ACSS3: variants seen among roughly 807,000 people sequenced by gnomAD.
The protein encoded by ACSS3 is acyl-CoA synthetase short-chain family member 3, mitochondrial.
ACSS3 carries 64 observed loss-of-function variants against 84.2 expected under a neutral mutation model. The observed-to-expected ratio is 0.76, with a 90% CI of 0.62 to 0.94. ACSS3 has a LOEUF of 0.94. ACSS3 is among the 40% of genes least tolerant of loss of function. The probability of loss-of-function intolerance (pLI) is 0.00; values close to 1 mark genes in which losing one functional copy is unlikely to be tolerated. For synonymous variants in ACSS3, 317 were observed against 310.1 expected, an observed-to-expected ratio of 1.02 and a Z score of -0.23; for missense variants, 815 against 867.6, an observed-to-expected ratio of 0.94 and a Z score of 0.76.
chr12:81,244,343 AT>A lies in ACSS3; in HGVS notation c.1720-8953del, dbSNP rs538993754. Among the ~76,000 whole-genome samples, 392 of 145,762 alleles carry A rather than the reference AT, an allele frequency of 2.7e-3. 3 individuals carry two copies. Among genetic ancestry groups the A allele is most frequent in the African/African-American group, 8.4e-3 (337 of 39,936 alleles). On this transcript the variant is annotated intron_variant, in intron 13 of 15. Coordinates refer to ENST00000548058, the MANE Select transcript of ACSS3 (RefSeq NM_024560.4). Reference sequence around the variant, plus strand: ...TGAGTATGATATGCCTACATGTAGGATTTTTTTTTTTACATTTATCTTGCTT... The same window carrying A: ...TGAGTATGATATGCCTACATGTAGGATTTTTTTTTTACATTTATCTTGCTT...
At chr12:81,114,545 C>T (rs927073523) in intron 2 of ACSS3, among the ~76,000 whole-genome samples, 7 of 152,064 alleles carry the variant, frequency 4.6e-5, no homozygotes, top group Non-Finnish European at 8.8e-5. Flanking sequence ...TGTCTTTGTT[C>T]AGGGGAAAGG....
intron 1 of ACSS3, among the ~76,000 whole-genome samples, chr12:81,108,794 C>T (rs1433827144): frequency 6.6e-6 from 1 of 152,130 alleles, no homozygotes; most frequent in East Asian, 1.9e-4. Flanking sequence ...ACTGTACTTG[C>T]ATATTTTATT....
intron 9 of ACSS3, among the ~76,000 whole-genome samples, chr12:81,207,647 A>C (rs534613290): frequency 6.6e-6 from 1 of 152,270 alleles, no homozygotes; most frequent in African/African-American, 2.4e-5. Context: ...TAAATAATTC[A>C]GATTCAAAAA....
intron 7 of ACSS3, among the ~76,000 whole-genome samples, chr12:81,153,240 T>C (rs1886701150): frequency 6.6e-6 from 1 of 152,114 alleles, no homozygotes; most frequent in South Asian, 2.1e-4. Context: ...AAGCCCTGTC[T>C]GTACTAAAAA....
intron 4 of ACSS3, among the ~76,000 whole-genome samples, chr12:81,142,463 A>C (rs1848052335): frequency 6.6e-6 from 1 of 152,222 alleles, no homozygotes; most frequent in Non-Finnish European, 1.5e-5. Flanking sequence ...TGTTTAACTC[A>C]TGACTCTATT....
chr12:81,259,772 G>T lies in ACSS3; in HGVS notation c.*4850G>T. On this transcript the variant is annotated 3_prime_UTR_variant, in exon 16 of 16. Transcript: ENST00000548058. The stretch of plus-strand genomic sequence containing the variant: ...CAGCCTGCTTACTCCTGTCCTAGAA[G>T]ATCATGAGAAGGAAATCATCTAGGA... 1 of 840,904 alleles carries T rather than the reference G, an allele frequency of 1.2e-6. No individual in the cohort carries two copies. The highest frequency in any genetic ancestry group is 1.8e-6 in the Non-Finnish European group (1 of 554,368). The allele number at this position is 840,904 out of a possible 1,614,324, so 52.1% of individuals were successfully genotyped here. A position where few individuals can be genotyped will look rare whatever the true frequency, so the allele number is the denominator to read the frequency against.
At chr12:81,222,082 A>T (rs944291026) in intron 11 of ACSS3, among the ~76,000 whole-genome samples, 2 of 152,090 alleles carry the variant, frequency 1.3e-5, no homozygotes, top group Admixed American at 1.3e-4. Context: ...AAATACTTAA[A>T]AGTAACAACT....
chr12:81,208,599 A>G (rs2032449428), intron 9 of ACSS3, among the ~76,000 whole-genome samples: 1 of 152,160 alleles, frequency 6.6e-6, no homozygotes, highest in Non-Finnish European at 1.5e-5. Flanking sequence ...GGTTGGGATC[A>G]TCAGTTTAGT....
chr12:81,240,775 C>T (rs2033772986), intron 13 of ACSS3, among the ~76,000 whole-genome samples: 1 of 151,914 alleles, frequency 6.6e-6, no homozygotes, highest in Admixed American at 6.6e-5. Context: ...CTAACCAAAT[C>T]CAGACTCAAA....
intron 1 of ACSS3, among the ~76,000 whole-genome samples, chr12:81,097,487 T>G (rs1166437863): frequency 6.6e-6 from 1 of 152,222 alleles, no homozygotes; most frequent in Non-Finnish European, 1.5e-5. Flanking sequence ...TCTAAAATTT[T>G]CCTTTACAGT....
intron 11 of ACSS3, among the ~76,000 whole-genome samples, chr12:81,225,257 G>T (rs1217131581): frequency 6.6e-6 from 1 of 151,584 alleles, no homozygotes. Flanking sequence ...TAGGAATATT[G>T]TATGTCTTCC....
chr12:81,189,304 T>C (rs2031445596), intron 8 of ACSS3, among the ~76,000 whole-genome samples: 1 of 152,140 alleles, frequency 6.6e-6, no homozygotes. Flanking sequence ...TATTCACCAA[T>C]TTACACACTC....
chr12:81,172,947 C>T (rs930491472), intron 7 of ACSS3, among the ~76,000 whole-genome samples: 1 of 152,126 alleles, frequency 6.6e-6, no homozygotes, highest in Non-Finnish European at 1.5e-5. Flanking sequence ...ACATTATTAT[C>T]TCAGTGCCTT....
chr12:81,111,656 A>G (rs774343354), intron 2 of ACSS3, among the ~76,000 whole-genome samples: 1 of 152,186 alleles, frequency 6.6e-6, no homozygotes, highest in Non-Finnish European at 1.5e-5. Flanking sequence ...AGAACTCTGA[A>G]CACATATTTG....
At chr12:81,249,102 T>G (rs967784050) in intron 13 of ACSS3, among the ~76,000 whole-genome samples, 2 of 152,000 alleles carry the variant, frequency 1.3e-5, no homozygotes, top group African/African-American at 2.4e-5. Flanking sequence ...TTTTAAAGTG[T>G]TGATTAGTTT....
chr12:81,250,404 C>A (rs1244444183), intron 13 of ACSS3, among the ~76,000 whole-genome samples: 4 of 152,004 alleles, frequency 2.6e-5, no homozygotes, highest in Admixed American at 1.3e-4. Flanking sequence ...AAGAATTTAT[C>A]TGCAGTAGGC....
rs556576605 is a variant in ACSS3 at position 81,237,098 on chromosome 12, A to G, written c.1719+3627A>G. Reference sequence around the variant, plus strand: ...TTTAATATATAAGTAAAATAGCCCCAGGAGCCAGACCGCCCTGTGCATCTC... The same window carrying G: ...TTTAATATATAAGTAAAATAGCCCCGGGAGCCAGACCGCCCTGTGCATCTC... On this transcript the variant is annotated intron_variant, in intron 13 of 15. Coordinates refer to ENST00000548058, the MANE Select transcript of ACSS3 (RefSeq NM_024560.4). Among the ~76,000 whole-genome samples, 4 of 151,682 alleles carry G rather than the reference A, an allele frequency of 2.6e-5. No individual in the cohort carries two copies. The East Asian group carries it at 5.8e-4, about 22-fold the overall frequency.
At chr12:81,146,090 T>C (rs1886327134) in intron 5 of ACSS3, among the ~76,000 whole-genome samples, 1 of 152,236 alleles carries the variant, frequency 6.6e-6, no homozygotes, top group South Asian at 2.1e-4. Context: ...ACCTGTCTTA[T>C]ACATATTAGT....
chr12:81,110,223 A>G (rs918035546), intron 2 of ACSS3, among the ~76,000 whole-genome samples: 9 of 152,156 alleles, frequency 5.9e-5, no homozygotes, highest in Non-Finnish European at 2.9e-5. Flanking sequence ...TCTGGTCATA[A>G]CATTCCTTCC....
Sources: allele counts gnomAD v4.1 joint callset (sites outside exome capture counted in the v4.1 genomes callset), GRCh38; gene constraint gnomAD v4.1.1; transcripts MANE v1.5; gene names NCBI Gene and HGNC (gene_info 2026-07-23, HGNC 2026-07-21).